Variants in SYN2 observed in about 807,000 individuals in gnomAD.
SYN2 encodes the protein synapsin II, also known as synapsin-2.
In SYN2, 19 loss-of-function variants were observed where a neutral mutation model predicts 50.9. The ratio of observed to expected loss-of-function variants is 0.37; its 90% CI spans 0.26 to 0.55. The LOEUF (loss-of-function observed/expected upper bound fraction) is 0.55, where lower values mean the gene tolerates loss of function less well. Among genes scored for constraint, SYN2 ranks in the 20% least tolerant of loss-of-function variants. SYN2 has a pLI of 0.81. For missense variants in SYN2, 587 were observed against 576.4 expected (o/e 1.02, Z -0.19); for synonymous variants, 255 against 224.9 (o/e 1.13, Z -1.20).
chr3:12,021,087 T>C (rs1694125249), intron 1 of SYN2, among the ~76,000 whole-genome samples: 1 of 152,244 alleles, frequency 6.6e-6, no homozygotes, highest in Non-Finnish European at 1.5e-5. Context: ...TTTTGACATA[T>C]GCCAGTCTTA....
At chr3:12,092,419 C>A (rs1176653326) in intron 1 of SYN2, among the ~76,000 whole-genome samples, 1 of 152,136 alleles carries the variant, frequency 6.6e-6, no homozygotes, top group African/African-American at 2.4e-5. Flanking sequence ...AACCTCTCAT[C>A]TGTGAGAGAA....
At chr3:12,183,244 A>G in intron 10 of SYN2, 68 bp from the exon 11 acceptor site, 2 of 1,548,580 alleles carry the variant, frequency 1.3e-6, no homozygotes, top group Non-Finnish European at 1.7e-6. Context: ...CCATGGAGCC[A>G]CGTGGTTTCT....
chr3:12,159,086 T>C, intron 5 of SYN2: 1 of 500,950 alleles, frequency 2.0e-6, no homozygotes, highest in Non-Finnish European at 3.4e-6. Context: ...CCCTGACCTC[T>C]GTTTCCCTGC....
chr3:12,052,691 C>G (rs762329810), intron 1 of SYN2, among the ~76,000 whole-genome samples: 2 of 152,174 alleles, frequency 1.3e-5, no homozygotes, highest in Non-Finnish European at 2.9e-5. Flanking sequence ...GGCGAGAAAA[C>G]AAGTCAGGAG....
intron 1 of SYN2, among the ~76,000 whole-genome samples, chr3:12,128,023 G>A (rs1696709489): frequency 6.6e-6 from 1 of 151,388 alleles, no homozygotes; most frequent in African/African-American, 2.4e-5. Flanking sequence ...ATGGCTCACT[G>A]CAGCCTCAAC....
rs913250777 is a variant in SYN2 at position 12,192,011 on chromosome 3, A to T, written c.*1386A>T. Among the ~76,000 whole-genome samples, 1 of 152,212 alleles carries T rather than the reference A, an allele frequency of 6.6e-6. No individual in the cohort carries two copies. On this transcript the variant is annotated 3_prime_UTR_variant, in exon 13 of 13. Transcript: ENST00000621198. ...AAACACTACATCTGCACCAATAAAA[A>T]ATCCATATATTAAAATGTTAATATC... is the stretch of plus-strand genomic sequence containing the variant.
chr3:12,150,926 A>G (rs1697270793), intron 4 of SYN2, among the ~76,000 whole-genome samples: 1 of 152,186 alleles, frequency 6.6e-6, no homozygotes, highest in Admixed American at 6.5e-5. Context: ...CTGTGACTAT[A>G]GGCAAGTTTT....
At chr3:12,023,659 A>G (rs1210893941) in intron 1 of SYN2, among the ~76,000 whole-genome samples, 1 of 152,124 alleles carries the variant, frequency 6.6e-6, no homozygotes, top group South Asian at 2.1e-4. Flanking sequence ...TTTTTTCTTT[A>G]TCTTGTAGTC....
chr3:12,031,244 T>TA (rs1694375967), intron 1 of SYN2, among the ~76,000 whole-genome samples: 3 of 112,108 alleles, frequency 2.7e-5, no homozygotes, highest in Non-Finnish European at 5.7e-5. Flanking sequence ...GTCTGAGAGA[T>TA]AGTTTGTTAT....
At chr3:12,041,018 G>GGTGGGTGTAGGA (rs1358613916) in intron 1 of SYN2, among the ~76,000 whole-genome samples, 1 of 152,162 alleles carries the variant, frequency 6.6e-6, no homozygotes, top group East Asian at 1.9e-4. Flanking sequence ...AGAATAAAGG[G>GGTGGGTGTAGGA]GTGGGTGTAG....
At position 12,118,868 on chromosome 3, in the gene SYN2, T is replaced by C. The variant is rs138325657; in HGVS notation, c.378-21783T>C. On this transcript the variant is annotated intron_variant, in intron 1 of 12. Transcript: ENST00000621198. ...GAAAGGATACAGGTAAAATTAATGATGTATTTTATTTAACACACTGTATCC... is the reference window on the plus strand; with the variant it reads ...GAAAGGATACAGGTAAAATTAATGACGTATTTTATTTAACACACTGTATCC... Among the ~76,000 whole-genome samples the C allele has an allele frequency of 6.6e-5, 10 of 152,364 alleles. No homozygotes were observed. In the East Asian group the frequency reaches 1.7e-3, roughly 26 times the overall value.
At chr3:12,179,957 A>G (rs546736818) in intron 10 of SYN2, among the ~76,000 whole-genome samples, 2 of 152,074 alleles carry the variant, frequency 1.3e-5, no homozygotes, top group Non-Finnish European at 2.9e-5. Context: ...ATTTATTTAT[A>G]TATTTTTTTG....
intron 1 of SYN2, among the ~76,000 whole-genome samples, chr3:12,052,378 C>T (rs1262625907): frequency 6.6e-6 from 1 of 151,800 alleles, no homozygotes; most frequent in African/African-American, 2.4e-5. Flanking sequence ...TGCTGTTCTC[C>T]AGAATTAATG....
chr3:12,187,739 G>C, intron 12 of SYN2, 127 bp downstream of exon 12: 4 of 491,590 alleles, frequency 8.1e-6, no homozygotes, highest in Non-Finnish European at 1.1e-5. Context: ...ATGGGATTTG[G>C]TTTTTTTTTG....
At chr3:12,026,414 T>C (rs932494886) in intron 1 of SYN2, among the ~76,000 whole-genome samples, 4 of 151,798 alleles carry the variant, frequency 2.6e-5, no homozygotes, top group Non-Finnish European at 5.9e-5. Flanking sequence ...TTTAAAAAAA[T>C]ATATATACAA....
At chr3:12,125,610 G>A (rs1045561656) in intron 1 of SYN2, among the ~76,000 whole-genome samples, 1 of 152,038 alleles carries the variant, frequency 6.6e-6, no homozygotes, top group African/African-American at 2.4e-5. Context: ...TCAAAGAGGA[G>A]CCTTCATTTC....
chr3:12,136,969 G>A (rs1696907951), intron 1 of SYN2, among the ~76,000 whole-genome samples: 1 of 152,074 alleles, frequency 6.6e-6, no homozygotes, highest in Non-Finnish European at 1.5e-5. Context: ...ATATTGGTGG[G>A]GCATGGTGAC....
At chr3:12,106,799 G>A (rs957892327) in intron 1 of SYN2, among the ~76,000 whole-genome samples, 7 of 152,072 alleles carry the variant, frequency 4.6e-5, no homozygotes, top group Non-Finnish European at 8.8e-5. Flanking sequence ...AAAATCATGT[G>A]TAATTTAGTT....
chr3:12,118,909 C>G (rs1403766075), intron 1 of SYN2, among the ~76,000 whole-genome samples: 1 of 152,186 alleles, frequency 6.6e-6, no homozygotes, highest in Non-Finnish European at 1.5e-5. Flanking sequence ...ATTCTCATTT[C>G]AGCATGTACT....
Sources: gnomAD v4.1 joint callset for allele counts (sites outside exome capture counted in the v4.1 genomes callset) on GRCh38, gnomAD v4.1.1 for gene constraint, MANE v1.5 for transcripts, NCBI Gene and HGNC (gene_info 2026-07-23, HGNC 2026-07-21) for gene names.